The following DCAF10 variants were observed in gnomAD, a reference collection of about 807,000 sequenced individuals.
DCAF10 encodes DDB1- and CUL4-associated factor 10.
Under a neutral mutation model 51.9 loss-of-function variants are expected in DCAF10, and 19 were observed. That is an observed-to-expected ratio of 0.37 (90% CI 0.26 to 0.54). DCAF10 has a LOEUF of 0.54. Among genes scored for constraint, DCAF10 ranks in the 20% least tolerant of loss-of-function variants. The probability of loss-of-function intolerance (pLI) is 0.87; values close to 1 mark genes in which losing one functional copy is unlikely to be tolerated. For synonymous variants in DCAF10, 291 were observed against 297.1 expected (o/e 0.98, Z 0.21); for missense variants, 510 against 730.6 (o/e 0.70, Z 3.48).
rs1831031180 is a variant in DCAF10 at position 37,861,904 on chromosome 9, T to G, written c.*396T>G. On this transcript the variant is annotated 3_prime_UTR_variant, in exon 7 of 7. Transcript: ENST00000377724. This position sits in a 1 kb window ranked among gnomAD's most constrained non-coding sequence, Gnocchi z 4.9. Reference sequence around the variant, plus strand: ...TTTTGTGGACATTTGGCAGGAGTTTTGACTGGGGTAGGAGAAACCCATGAC... The same window carrying G: ...TTTTGTGGACATTTGGCAGGAGTTTGGACTGGGGTAGGAGAAACCCATGAC... 1 of 175,790 alleles carries G rather than the reference T, an allele frequency of 5.7e-6. No individual in the cohort carries two copies. The highest frequency in any genetic ancestry group is 1.3e-4 in the South Asian group (1 of 7,444). 10.9% of individuals were successfully genotyped at this position (175,790 alleles called of 1,614,324 possible).
chr9:37,828,942 A>AT (rs923245434), intron 2 of DCAF10, among the ~76,000 whole-genome samples: 1 of 152,186 alleles, frequency 6.6e-6, no homozygotes, highest in African/African-American at 2.4e-5. Flanking sequence ...GTAAGAAAGG[A>AT]TTTTTTTAGA....
At chr9:37,858,164 G>T (rs1443558843) in intron 5 of DCAF10, among the ~76,000 whole-genome samples, 1 of 152,002 alleles carries the variant, frequency 6.6e-6, no homozygotes, top group Non-Finnish European at 1.5e-5. Context: ...AGTAGATGCT[G>T]GTTATCTTGC....
intron 3 of DCAF10, among the ~76,000 whole-genome samples, chr9:37,847,083 A>C (rs563972795): frequency 6.6e-6 from 1 of 151,354 alleles, no homozygotes; most frequent in Admixed American, 6.6e-5. Flanking sequence ...GTGAAACCCC[A>C]CCTCTACTAA....
At chr9:37,837,457 CAAAAAA>C (rs555983041) in intron 2 of DCAF10, among the ~76,000 whole-genome samples, 5 of 85,680 alleles carry the variant, frequency 5.8e-5, no homozygotes, top group Non-Finnish European at 5.3e-5. Flanking sequence ...GACTCCATCT[CAAAAAA>C]AAAAAAAAAA....
intron 3 of DCAF10, among the ~76,000 whole-genome samples, chr9:37,847,810 C>T (rs1830522904): frequency 6.6e-6 from 1 of 152,094 alleles, no homozygotes; most frequent in Admixed American, 6.6e-5. Flanking sequence ...TTAGTAAATT[C>T]ACAAGATATA....
chr9:37,850,726 G>T (rs1830605805), intron 3 of DCAF10, among the ~76,000 whole-genome samples: 1 of 150,106 alleles, frequency 6.7e-6, no homozygotes, highest in African/African-American at 2.4e-5. Flanking sequence ...GATGACCACT[G>T]TTAATGACAA....
intron 2 of DCAF10, among the ~76,000 whole-genome samples, chr9:37,835,458 A>G (rs1335681186): frequency 6.6e-6 from 1 of 152,060 alleles, no homozygotes; most frequent in Non-Finnish European, 1.5e-5. Context: ...GGGCGCCTGT[A>G]ATCCCAGCTA....
intron 6 of DCAF10, chr9:37,860,450 T>C (rs1830981685): frequency 2.9e-6 from 1 of 350,186 alleles, no homozygotes; most frequent in East Asian, 4.7e-5. Flanking sequence ...ATCAGCTCAG[T>C]TTTTGCCCAG....
chr9:37,857,690 TAA>T (rs1456753799), intron 5 of DCAF10, among the ~76,000 whole-genome samples: 3 of 152,104 alleles, frequency 2.0e-5, no homozygotes, highest in Non-Finnish European at 2.9e-5. Flanking sequence ...TGTATAAATA[TAA>T]GTCATGAATT....
At position 37,862,781 on chromosome 9, in the gene DCAF10, G is replaced by A. The variant is rs16934514; in HGVS notation, c.*1273G>A. On this transcript the variant is annotated 3_prime_UTR_variant, in exon 7 of 7. Coordinates refer to ENST00000377724, the MANE Select transcript of DCAF10 (RefSeq NM_024345.5). ...AGAAGGGATTACCAAAGGCTGGAGC[G>A]ATTTAAGCTATGCACTAGCCTTGCC... 0.19 allele frequency: 29,192 copies of A among 152,128 alleles called. 3,206 individuals carry two copies. Among genetic ancestry groups the A allele is most frequent in the African/African-American group, 0.29 (12,160 of 41,476 alleles). 9.4% of individuals were successfully genotyped at this position (152,128 alleles called of 1,614,324 possible).
intron 2 of DCAF10, among the ~76,000 whole-genome samples, chr9:37,831,316 C>T (rs1830001343): frequency 6.6e-6 from 1 of 152,186 alleles, no homozygotes; most frequent in Admixed American, 6.5e-5. Flanking sequence ...TTTTTTAATG[C>T]TTTCTATGTG....
At chr9:37,828,385 G>A (rs1829914220) in intron 2 of DCAF10, among the ~76,000 whole-genome samples, 1 of 151,690 alleles carries the variant, frequency 6.6e-6, no homozygotes, top group South Asian at 2.1e-4. Flanking sequence ...TACTTGGGAG[G>A]CCAAGGCTGA....
At chr9:37,809,586 C>T (rs1829265823) in intron 1 of DCAF10, among the ~76,000 whole-genome samples, 1 of 152,190 alleles carries the variant, frequency 6.6e-6, no homozygotes, top group African/African-American at 2.4e-5. Flanking sequence ...GTAATCCTAG[C>T]ACTTTGGGAG....
At chr9:37,833,784 A>T (rs529478438) in intron 2 of DCAF10, among the ~76,000 whole-genome samples, 85 of 152,288 alleles carry the variant, frequency 5.6e-4, no homozygotes, top group African/African-American at 1.9e-3. Context: ...ATTAAGCTAG[A>T]CTGAGTTTTG....
At chr9:37,804,404 C>T (rs1470815362) in intron 1 of DCAF10, among the ~76,000 whole-genome samples, 2 of 151,932 alleles carry the variant, frequency 1.3e-5, no homozygotes, top group Non-Finnish European at 2.9e-5. Flanking sequence ...TTTAAGAAGC[C>T]CAACAAACCC....
At chr9:37,814,391 G>A (rs1247280384) in intron 1 of DCAF10, among the ~76,000 whole-genome samples, 3 of 134,626 alleles carry the variant, frequency 2.2e-5, no homozygotes, top group South Asian at 2.5e-4. Flanking sequence ...CTTGTGATCC[G>A]CCCGCCTCGG....
At chr9:37,826,285 C>T (rs1189310738) in intron 2 of DCAF10, among the ~76,000 whole-genome samples, 1 of 152,148 alleles carries the variant, frequency 6.6e-6, no homozygotes, top group East Asian at 1.9e-4. Context: ...AGCTATTATG[C>T]ATGTAAAGAG....
At chr9:37,841,951 T>C (rs1253813021) in intron 2 of DCAF10, 138 bp from the exon 3 acceptor site, 2 of 675,994 alleles carry the variant, frequency 3.0e-6, no homozygotes, top group African/African-American at 3.6e-5. Context: ...AGTATATCAG[T>C]CATTGGGTTT....
intron 2 of DCAF10, among the ~76,000 whole-genome samples, chr9:37,833,575 CAT>C (rs1281201973): frequency 1.6e-4 from 25 of 151,972 alleles, no homozygotes; most frequent in Non-Finnish European, 3.7e-4. Context: ...TATCCTTTAC[CAT>C]ATCATCTGAC....
Sources: gnomAD v4.1 joint callset for allele counts (sites outside exome capture counted in the v4.1 genomes callset) on GRCh38, gnomAD v4.1.1 for gene constraint, Gnocchi (gnomAD v3.1) non-coding constraint, MANE v1.5 for transcripts, NCBI Gene and HGNC (gene_info 2026-07-23, HGNC 2026-07-21) for gene names.